The following GABBR2 variants were observed in gnomAD, a reference collection of about 807,000 sequenced individuals.
GABBR2 encodes the protein G-protein coupled receptor 51.
Under a neutral mutation model 105.6 loss-of-function variants are expected in GABBR2, and 23 were observed. That is an observed-to-expected ratio of 0.22 (90% CI 0.16 to 0.31). The LOEUF (loss-of-function observed/expected upper bound fraction) is 0.31, where lower values mean the gene tolerates loss of function less well. GABBR2 is among the 10% of genes least tolerant of loss of function. GABBR2 has a pLI of 1.00. For missense variants in GABBR2, 734 were observed against 1,245.5 expected (o/e 0.59, Z 6.18); for synonymous variants, 478 against 499.7 (o/e 0.96, Z 0.58).
intron 13 of GABBR2, among the ~76,000 whole-genome samples, chr9:98,326,737 C>T (rs1471028392): frequency 6.6e-6 from 1 of 152,204 alleles, no homozygotes; most frequent in Non-Finnish European, 1.5e-5. Context: ...TTTAGAGGTT[C>T]CTTATTGGAC....
At chr9:98,705,634 A>C (rs1053099350) in intron 1 of GABBR2, among the ~76,000 whole-genome samples, 17 of 152,256 alleles carry the variant, frequency 1.1e-4, no homozygotes, top group African/African-American at 4.1e-4. Context: ...ACTAGACCCT[A>C]AACACTCTAA....
intron 7 of GABBR2, among the ~76,000 whole-genome samples, chr9:98,424,332 C>T (rs1457705866): frequency 6.6e-6 from 1 of 151,768 alleles, no homozygotes; most frequent in African/African-American, 2.4e-5. Context: ...GGACGTATCT[C>T]AAAATAATAA....
chr9:98,555,839 C>T (rs884887), intron 2 of GABBR2: 59,653 of 152,060 alleles, frequency 0.39, 12,151 homozygotes, highest in East Asian at 0.64. Context: ...TACTCACAGA[C>T]ACCTCCTCCA....
chr9:98,566,093 G>A (rs16917183), intron 2 of GABBR2, among the ~76,000 whole-genome samples: 11,351 of 152,228 alleles, frequency 0.075, 578 homozygotes, highest in African/African-American at 0.14. Flanking sequence ...AGGATGAGGC[G>A]CCTAGAAGCA....
At chr9:98,662,829 T>G (rs1830282343) in intron 1 of GABBR2, among the ~76,000 whole-genome samples, 1 of 152,170 alleles carries the variant, frequency 6.6e-6, no homozygotes, top group South Asian at 2.1e-4. Flanking sequence ...CCCCCATCTC[T>G]TCCTGACCAC....
rs535347076 is a variant in GABBR2, at chr9:98,447,355, G to A, written c.1236+6626C>T. Among the ~76,000 whole-genome samples the A allele has an allele frequency of 2.1e-4, 24 of 112,720 alleles. 2 individuals carry two copies. Among genetic ancestry groups the A allele is most frequent in the African/African-American group, 6.9e-4 (22 of 32,020 alleles). The allele number at this position is 112,720 out of a possible 152,430, so 73.9% of individuals were successfully genotyped here. On this transcript the variant is annotated intron_variant, in intron 7 of 18. Transcript: ENST00000259455. ...TGGGATTACAGGCGTGAGCCACCGC[G>A]CCCGGCCCCTAAAAAAGACTTCTAT...
chr9:98,492,349 TAA>T (rs574771107), intron 4 of GABBR2, among the ~76,000 whole-genome samples: 629 of 29,214 alleles, frequency 0.022, 14 homozygotes, highest in African/African-American at 0.023. Flanking sequence ...TGTTTCCTAG[TAA>T]AAAAAAAAAA....
chr9:98,605,723 C>T (rs1483920457), intron 1 of GABBR2, among the ~76,000 whole-genome samples: 3 of 152,182 alleles, frequency 2.0e-5, no homozygotes, highest in Non-Finnish European at 4.4e-5. Flanking sequence ...CTCGTAGCAT[C>T]CCATTTCTTC....
chr9:98,441,638 A>G (rs957214815), intron 7 of GABBR2, among the ~76,000 whole-genome samples: 2 of 152,240 alleles, frequency 1.3e-5, no homozygotes, highest in Non-Finnish European at 2.9e-5. Context: ...AAGTGCTGGG[A>G]TTACAGGCAT....
chr9:98,523,144 G>A (rs1195278697), intron 3 of GABBR2, among the ~76,000 whole-genome samples: 1 of 152,014 alleles, frequency 6.6e-6, no homozygotes, highest in Non-Finnish European at 1.5e-5. Context: ...ACGCTTAATA[G>A]CAACCAAAAC....
chr9:98,673,551 C>A, intron 1 of GABBR2, among the ~76,000 whole-genome samples: 1 of 149,864 alleles, frequency 6.7e-6, no homozygotes. Flanking sequence ...TTTTCTTCTA[C>A]CATGAATATG....
chr9:98,298,548 C>A (rs1260373299), intron 17 of GABBR2, among the ~76,000 whole-genome samples: 1 of 152,182 alleles, frequency 6.6e-6, no homozygotes, highest in East Asian at 1.9e-4. Context: ...TGCTCATTTC[C>A]AAATACTCTT....
intron 1 of GABBR2, among the ~76,000 whole-genome samples, chr9:98,611,246 C>T (rs926932216): frequency 5.5e-4 from 84 of 152,268 alleles, no homozygotes; most frequent in South Asian, 8.3e-4. Context: ...GTGGCATGGC[C>T]GCTGCCATTT....
intron 1 of GABBR2, among the ~76,000 whole-genome samples, chr9:98,687,873 G>A: frequency 6.6e-6 from 1 of 152,192 alleles, no homozygotes; most frequent in Non-Finnish European, 1.5e-5. Flanking sequence ...GAAGGGGAGG[G>A]ATCTAAGATG....
chr9:98,506,137 G>A (rs555811757), intron 3 of GABBR2, among the ~76,000 whole-genome samples: 11 of 152,160 alleles, frequency 7.2e-5, no homozygotes, highest in African/African-American at 1.9e-4. Flanking sequence ...AGGACCATAC[G>A]CTGTGCATCG....
At chr9:98,595,652 T>C in intron 1 of GABBR2, among the ~76,000 whole-genome samples, 1 of 86,194 alleles carries the variant, frequency 1.2e-5, no homozygotes. Flanking sequence ...TTCCAAATGA[T>C]ACTTTACAAA....
intron 1 of GABBR2, among the ~76,000 whole-genome samples, chr9:98,690,293 A>G (rs1830668396): frequency 6.6e-6 from 1 of 152,202 alleles, no homozygotes; most frequent in South Asian, 2.1e-4. Context: ...AGGAACCAGG[A>G]CCAAGCCTTC....
At chr9:98,418,580 AAAAAC>A (rs1459169776) in intron 7 of GABBR2, among the ~76,000 whole-genome samples, 2 of 152,150 alleles carry the variant, frequency 1.3e-5, no homozygotes, top group Admixed American at 1.3e-4. Context: ...CCAAAAAACA[AAAAAC>A]AAAACAACAA....
intron 7 of GABBR2, among the ~76,000 whole-genome samples, chr9:98,415,324 T>C (rs181310406): frequency 7.9e-5 from 12 of 152,274 alleles, no homozygotes; most frequent in African/African-American, 2.9e-4. Flanking sequence ...CCGGCAAAAA[T>C]AGCAATATCA....
Sources: allele counts gnomAD v4.1 joint callset (sites outside exome capture counted in the v4.1 genomes callset), GRCh38; gene constraint gnomAD v4.1.1; transcripts MANE v1.5; gene names NCBI Gene and HGNC (gene_info 2026-07-23, HGNC 2026-07-21).